The following PLCB1 variants were observed in gnomAD, a reference collection of about 807,000 sequenced individuals.
PLCB1 encodes the protein phospholipase C beta 1, also known as 1-phosphatidylinositol 4,5-bisphosphate phosphodiesterase beta-1.
In PLCB1, 46 loss-of-function variants were observed where a neutral mutation model predicts 161.8. That is an observed-to-expected ratio of 0.28 (90% CI 0.22 to 0.36). The LOEUF (loss-of-function observed/expected upper bound fraction) is 0.36, where lower values mean the gene tolerates loss of function less well. Among genes scored for constraint, PLCB1 ranks in the 10% least tolerant of loss-of-function variants. The pLI, the probability that PLCB1 is intolerant of heterozygous loss-of-function variation, is 1.00. For missense variants in PLCB1, 1,016 were observed against 1,472.5 expected (o/e 0.69, Z 5.07); for synonymous variants, 517 against 503.7 (o/e 1.03, Z -0.35).
intron 2 of PLCB1, among the ~76,000 whole-genome samples, chr20:8,223,424 T>C (rs1979520338): frequency 6.6e-6 from 1 of 152,086 alleles, no homozygotes; most frequent in Non-Finnish European, 1.5e-5. Context: ...CTTGATAGAG[T>C]CTCAACTTTG....
chr20:8,507,936 A>C (rs1983708237), intron 3 of PLCB1, among the ~76,000 whole-genome samples: 1 of 152,058 alleles, frequency 6.6e-6, no homozygotes, highest in Non-Finnish European at 1.5e-5. Flanking sequence ...ATTGTTAGTA[A>C]TTTTTAGGTC....
chr20:8,737,526 A>C (rs911030276), intron 20 of PLCB1, among the ~76,000 whole-genome samples: 3 of 152,206 alleles, frequency 2.0e-5, no homozygotes, highest in African/African-American at 7.2e-5. Flanking sequence ...AGTAGGGAAT[A>C]ATATAGTGGC....
chr20:8,590,863 G>A (rs760384073), intron 3 of PLCB1, among the ~76,000 whole-genome samples: 10 of 152,028 alleles, frequency 6.6e-5, no homozygotes, highest in Non-Finnish European at 1.0e-4. Context: ...AGGACGTGCA[G>A]GTTTGTTACA....
chr20:8,653,089 G>T (rs1028466140), intron 7 of PLCB1: 1 of 152,028 alleles, frequency 6.6e-6, no homozygotes, highest in African/African-American at 2.4e-5. Context: ...GTGACATCTG[G>T]AATTGTATAA....
At chr20:8,874,481 C>G (rs915564207) in intron 31 of PLCB1, among the ~76,000 whole-genome samples, 2 of 151,826 alleles carry the variant, frequency 1.3e-5, no homozygotes, top group African/African-American at 2.4e-5. Flanking sequence ...GCTTCATTTG[C>G]TTATTTTATT....
chr20:8,664,835 A>G (rs1302320655), intron 9 of PLCB1, among the ~76,000 whole-genome samples: 2 of 152,176 alleles, frequency 1.3e-5, no homozygotes, highest in East Asian at 3.9e-4. Context: ...CGCCAAGCCT[A>G]TAGCTCACCA....
chr20:8,462,435 T>C (rs891126913), intron 3 of PLCB1, among the ~76,000 whole-genome samples: 2 of 152,316 alleles, frequency 1.3e-5, no homozygotes, highest in Admixed American at 1.3e-4. Context: ...ATCAAGGCAT[T>C]TCTGAAAGAG....
chr20:8,584,969 G>T (rs1051136703), intron 3 of PLCB1, among the ~76,000 whole-genome samples: 2 of 152,086 alleles, frequency 1.3e-5, no homozygotes, highest in African/African-American at 2.4e-5. Flanking sequence ...GATCACAGGG[G>T]TGAGCCACCA....
intron 3 of PLCB1, among the ~76,000 whole-genome samples, chr20:8,560,537 G>C (rs1158818761): frequency 6.6e-6 from 1 of 152,002 alleles, no homozygotes; most frequent in Non-Finnish European, 1.5e-5. Flanking sequence ...CCCAGCACTA[G>C]TATTGTTGAA....
chr20:8,156,540 A>G (rs75807439), intron 2 of PLCB1, among the ~76,000 whole-genome samples: 10 of 152,228 alleles, frequency 6.6e-5, no homozygotes, highest in Non-Finnish European at 1.5e-4. Context: ...TCCTTGGTTA[A>G]GAGAGATTGG....
rs193220079 is a variant in PLCB1, at chr20:8,756,718, T to A, written c.2524-328T>A. Among the ~76,000 whole-genome samples the A allele has an allele frequency of 9.2e-5, 14 of 152,150 alleles. No homozygotes were observed. The East Asian group carries it at 2.7e-3, about 30-fold the overall frequency. Reference sequence around the variant, plus strand: ...AGGACCCTGAGAAACAGTGGAAAAATTTGCAAGGGTCTTTTGTATCAAGTT... The same window carrying A: ...AGGACCCTGAGAAACAGTGGAAAAAATTGCAAGGGTCTTTTGTATCAAGTT... On this transcript the variant is annotated intron_variant, in intron 23 of 31. Coordinates refer to ENST00000338037, the MANE Select transcript of PLCB1 (RefSeq NM_015192.4).
chr20:8,170,240 C>G (rs947222777), intron 2 of PLCB1, among the ~76,000 whole-genome samples: 21 of 152,034 alleles, frequency 1.4e-4, no homozygotes, highest in Non-Finnish European at 2.6e-4. Context: ...ATCTTACTGA[C>G]TCTAGGAGAA....
At chr20:8,703,309 G>T (rs1184241757) in intron 11 of PLCB1, among the ~76,000 whole-genome samples, 1 of 152,194 alleles carries the variant, frequency 6.6e-6, no homozygotes, top group African/African-American at 2.4e-5. Flanking sequence ...GTTAGCTTTG[G>T]ATGTTATCAT....
chr20:8,228,407 T>G (rs6086369), intron 2 of PLCB1, among the ~76,000 whole-genome samples: 101,788 of 151,626 alleles, frequency 0.67, 34,320 homozygotes, highest in East Asian at 0.78. Context: ...CCACCTATCC[T>G]TCTGGATTGC....
chr20:8,820,371 C>A (rs917679422), intron 31 of PLCB1, among the ~76,000 whole-genome samples: 1 of 151,910 alleles, frequency 6.6e-6, no homozygotes, highest in African/African-American at 2.4e-5. Flanking sequence ...CGATTGGCAA[C>A]ATATAAATAG....
intron 2 of PLCB1, among the ~76,000 whole-genome samples, chr20:8,275,093 T>G (rs1393744851): frequency 6.6e-6 from 1 of 151,336 alleles, no homozygotes. Context: ...GCTTTTTGGT[T>G]TGAGAGCTGA....
chr20:8,832,871 A>T (rs766549601), intron 31 of PLCB1, among the ~76,000 whole-genome samples: 4 of 152,192 alleles, frequency 2.6e-5, no homozygotes, highest in Non-Finnish European at 5.9e-5. Flanking sequence ...AAAGGCCCAC[A>T]TCCCTCAGAA....
intron 2 of PLCB1, among the ~76,000 whole-genome samples, chr20:8,278,896 T>G (rs1404740046): frequency 6.6e-6 from 1 of 151,986 alleles, no homozygotes; most frequent in Non-Finnish European, 1.5e-5. Context: ...TTCTTAACAT[T>G]ATTCTCAGTA....
At chr20:8,375,796 G>A (rs1193422017) in intron 3 of PLCB1, among the ~76,000 whole-genome samples, 1 of 152,112 alleles carries the variant, frequency 6.6e-6, no homozygotes, top group Non-Finnish European at 1.5e-5. Flanking sequence ...TTTTAGGTAT[G>A]TAAGTTCCGT....
Sources: gnomAD v4.1 joint callset for allele counts (sites outside exome capture counted in the v4.1 genomes callset) on GRCh38, gnomAD v4.1.1 for gene constraint, MANE v1.5 for transcripts, NCBI Gene and HGNC (gene_info 2026-07-23, HGNC 2026-07-21) for gene names.